Variants in SAR1A observed in about 807,000 individuals in gnomAD.
SAR1A encodes secretion associated Ras related GTPase 1A, also known as small COPII coat GTPase SAR1A.
SAR1A carries 6 observed loss-of-function variants against 22.6 expected under a neutral mutation model. That is an observed-to-expected ratio of 0.27 (90% confidence interval 0.15 to 0.52). The LOEUF (loss-of-function observed/expected upper bound fraction) is 0.52, where lower values mean the gene tolerates loss of function less well. Among genes scored for constraint, SAR1A ranks in the 20% least tolerant of loss-of-function variants. The pLI, the probability that SAR1A is intolerant of heterozygous loss-of-function variation, is 0.96. For missense variants in SAR1A, 145 were observed against 245.1 expected, an observed-to-expected ratio of 0.59 and a Z score of 2.73; for synonymous variants, 70 against 82.2, an observed-to-expected ratio of 0.85 and a Z score of 0.80.
Position 70,150,184 on chromosome 10 carries a change from A to T in SAR1A, c.*2292T>A, listed in dbSNP as rs1292865783. ...AGAGCTCAGAACAAACCAATGAAAAAAAAAAAAGGAAATAGCGTATTTGTT... is the reference window on the plus strand; with the variant it reads ...AGAGCTCAGAACAAACCAATGAAAATAAAAAAAGGAAATAGCGTATTTGTT... On this transcript the variant is annotated 3_prime_UTR_variant, in exon 7 of 7. Transcript: ENST00000373241. 6.6e-6 allele frequency: 1 copy of T among 152,100 alleles called. No homozygotes were observed. The highest frequency in any genetic ancestry group is 2.1e-4 in the South Asian group (1 of 4,836). The allele number at this position is 152,100 out of a possible 1,614,324, so 9.4% of individuals were successfully genotyped here. A position where few individuals can be genotyped will look rare whatever the true frequency, so the allele number is the denominator to read the frequency against.
In SAR1A at chr10:70,157,869, TA is replaced by T. The variant is rs1839414099; in HGVS notation, c.245-3del. 1 of 1,607,176 alleles carries T rather than the reference TA, an allele frequency of 6.2e-7. No individual in the cohort carries two copies. Among genetic ancestry groups the T allele is most frequent in the Non-Finnish European group, 8.5e-7 (1 of 1,174,938 alleles). Reference sequence around the variant, plus strand: ...GATAATTTTTCCAAACGCGACGTGCTAAAAAACAAAGTTTGTAGTTGCATGA... The same window carrying T: ...GATAATTTTTCCAAACGCGACGTGCTAAAAACAAAGTTTGTAGTTGCATGA... On this transcript the variant is annotated splice_polypyrimidine_tract_variant and splice_region_variant and intron_variant, in intron 4 of 6. Coordinates refer to ENST00000373241, the MANE Select transcript of SAR1A (RefSeq NM_020150.5).
intron 1 of SAR1A, chr10:70,166,746 C>G (rs954320215): frequency 6.8e-6 from 1 of 147,254 alleles, no homozygotes; most frequent in African/African-American, 2.5e-5. Context: ...CAGCATTTTG[C>G]AAGGCTGAGG....
At chr10:70,165,211 GCCGAGATC>G (rs1839531628) in intron 1 of SAR1A, among the ~76,000 whole-genome samples, 1 of 144,084 alleles carries the variant, frequency 6.9e-6, no homozygotes, top group Non-Finnish European at 1.5e-5. Context: ...CTTGCAGTGA[GCCGAGATC>G]CCGCCACTGC....
intron 4 of SAR1A, among the ~76,000 whole-genome samples, chr10:70,160,582 T>G (rs1224652368): frequency 6.6e-6 from 1 of 152,210 alleles, no homozygotes; most frequent in Non-Finnish European, 1.5e-5. Flanking sequence ...AATACATATA[T>G]CTTTTAACAT....
In SAR1A at chr10:70,161,898, C is replaced by A. The variant is rs757810193; in HGVS notation, c.18G>T (p.Glu6Asp). 1 of 1,612,570 alleles carries A rather than the reference C, an allele frequency of 6.2e-7. No individual in the cohort carries two copies. The highest frequency in any genetic ancestry group is 8.5e-7 in the Non-Finnish European group (1 of 1,179,614). Residue 6 changes from glutamate to aspartate, a missense_variant, in exon 2 of 7, where the codon GAG (glutamate) becomes GAT (aspartate). Physicochemically the swap from Glu to Asp is conservative, Grantham distance 45. Coordinates refer to ENST00000373241, the MANE Select transcript of SAR1A (RefSeq NM_020150.5). ...CACTGCTGAAGCCATTGTAGATCCACTCAAAGATGAAAGACATTATTAATG... is the reference window on the plus strand; with the variant it reads ...CACTGCTGAAGCCATTGTAGATCCAATCAAAGATGAAAGACATTATTAATG... MSFIF[E>D]WIYNGFSSVL...
At chr10:70,161,186 A>T (rs960082056) in intron 3 of SAR1A, 117 bp from the exon 4 acceptor site, 1 of 761,550 alleles carries the variant, frequency 1.3e-6, no homozygotes, top group African/African-American at 1.8e-5. Flanking sequence ...CAAGAAGTTG[A>T]GTGTGGTGGT....
intron 1 of SAR1A, among the ~76,000 whole-genome samples, chr10:70,168,473 T>G (rs1353305392): frequency 1.3e-5 from 2 of 152,056 alleles, no homozygotes; most frequent in Non-Finnish European, 2.9e-5. Context: ...GCGCCTGTTA[T>G]CCCAGCTACT....
rs1839302403 is a variant in SAR1A, at chr10:70,149,547, A to ATTTTTGTTTTTTTTTT, written c.*2928_*2929insAAAAAAAAAACAAAAA. 1 of 68,036 alleles carries ATTTTTGTTTTTTTTTT rather than the reference A, an allele frequency of 1.5e-5. No homozygotes were observed. The allele number at this position is 68,036 out of a possible 1,614,324, so 4.2% of individuals were successfully genotyped here. A position where few individuals can be genotyped will look rare whatever the true frequency, so the allele number is the denominator to read the frequency against. ...TTTTGCCAAATGTAGCATTTAATTG[A>ATTTTTGTTTTTTTTTT]TTTTTTTTTTTTTTTTTTTTTTGAG... On this transcript the variant is annotated 3_prime_UTR_variant, in exon 7 of 7. Transcript: ENST00000373241.
rs564920088 is a variant in SAR1A, at chr10:70,150,536, A to G, written c.*1940T>C. 2 of 152,378 alleles carry G rather than the reference A, an allele frequency of 1.3e-5. No individual in the cohort carries two copies. Among genetic ancestry groups the G allele is most frequent in the South Asian group, 4.1e-4 (2 of 4,830 alleles). The allele number at this position is 152,378 out of a possible 1,614,324, so 9.4% of individuals were successfully genotyped here. A position where few individuals can be genotyped will look rare whatever the true frequency, so the allele number is the denominator to read the frequency against. ...AACCCACAGATTTCTAGCTTGCAAC[A>G]AAGTGACAAGGGACAAATAGGGGAA... is the stretch of plus-strand genomic sequence containing the variant. On this transcript the variant is annotated 3_prime_UTR_variant, in exon 7 of 7. Transcript: ENST00000373241.
Position 70,150,999 on chromosome 10 carries a change from A to C in SAR1A, c.*1477T>G, listed in dbSNP as rs1257777940. 1.3e-5 allele frequency: 2 copies of C among 152,202 alleles called. No individual in the cohort carries two copies. The highest frequency in any genetic ancestry group is 6.5e-5 in the Admixed American group (1 of 15,278). The allele number at this position is 152,202 out of a possible 1,614,324, so 9.4% of individuals were successfully genotyped here. Reference sequence around the variant, plus strand: ...TTCATCTCCTATCTCCAATCTGTTCATAGGAGATATATCTTTTGATCTTTT... The same window carrying C: ...TTCATCTCCTATCTCCAATCTGTTCCTAGGAGATATATCTTTTGATCTTTT... On this transcript the variant is annotated 3_prime_UTR_variant, in exon 7 of 7. Transcript: ENST00000373241.
Position 70,157,830 on chromosome 10 carries a change from A to G in SAR1A, c.282T>C (p.Asn94=). 1 of 1,613,832 alleles carries G rather than the reference A, an allele frequency of 6.2e-7. No homozygotes were observed. The highest frequency in any genetic ancestry group is 8.5e-7 in the Non-Finnish European group (1 of 1,179,918). Residue 94 remains asparagine, a synonymous_variant, in exon 5 of 7, where the codon AAT becomes AAC. Coordinates refer to ENST00000373241, the MANE Select transcript of SAR1A (RefSeq NM_020150.5). ...CACAGTCCACCAGAAAGACAATCCC[A>G]TTAATTGCTGGGAGATAATTTTTCC... ...RVWKNYLPAI[N]GIVFLVDCAD...
At chr10:70,169,762 C>A (rs1002219368) in intron 1 of SAR1A, among the ~76,000 whole-genome samples, 1 of 152,158 alleles carries the variant, frequency 6.6e-6, no homozygotes. Context: ...CCGATGGAAT[C>A]AACAAGACAA....
At position 70,159,701 on chromosome 10, in the gene SAR1A, G is replaced by A. The variant is rs527445934; in HGVS notation, c.244+1303C>T. Among the ~76,000 whole-genome samples the A allele has an allele frequency of 1.4e-4, 22 of 152,316 alleles. No individual in the cohort carries two copies. The South Asian group carries it at 4.3e-3, about 30-fold the overall frequency. On this transcript the variant is annotated intron_variant, in intron 4 of 6. Transcript: ENST00000373241. ...TCAAAACAAGACTTCTCCACTCAGT[G>A]TAATAACAAGTAAGTAAATCTGACA... is the stretch of plus-strand genomic sequence containing the variant.
At chr10:70,154,058 C>T (rs1246082462) in intron 5 of SAR1A, 89 bp from the exon 6 acceptor site, 3 of 1,012,380 alleles carry the variant, frequency 3.0e-6, no homozygotes, top group African/African-American at 3.3e-5. Flanking sequence ...TTCTGACTTC[C>T]ACTAATCTTT....
intron 4 of SAR1A, 54 bp from the exon 5 acceptor site, chr10:70,157,921 A>C: frequency 8.5e-7 from 1 of 1,175,998 alleles, no homozygotes; most frequent in Non-Finnish European, 1.3e-6. Flanking sequence ...TGTGAAAATG[A>C]ATAACCTAAT....
At chr10:70,161,107 A>T in intron 3 of SAR1A, 38 bp from the exon 4 acceptor site, 1 of 1,471,690 alleles carries the variant, frequency 6.8e-7, no homozygotes, top group Non-Finnish European at 9.5e-7. Context: ...AAACTTGTCA[A>T]CTCAACAACC....
rs750456522 is a variant in SAR1A, at chr10:70,157,861, C to T, written c.251G>A (p.Arg84His). The T allele has an allele frequency of 1.9e-6, 3 of 1,611,610 alleles. No individual in the cohort carries two copies. In the African/African-American group the frequency reaches 4.0e-5, roughly 22 times the overall value. ...FDLGGHEQAR[R>H]VWKNYLPAIN... is the part of the protein sequence containing the mutation. Reference sequence around the variant, plus strand: ...TGCTGGGAGATAATTTTTCCAAACGCGACGTGCTAAAAAACAAAGTTTGTA... The same window carrying T: ...TGCTGGGAGATAATTTTTCCAAACGTGACGTGCTAAAAAACAAAGTTTGTA... Residue 84 changes from arginine to histidine, a missense_variant, in exon 5 of 7, where the codon CGC (arginine) becomes CAC (histidine). By Grantham distance (29) the Arg-to-His change is conservative. This residue lies in a region of SAR1A where 40 missense variants were observed against 105.7 expected (regional missense o/e 0.38). Transcript: ENST00000373241.
At chr10:70,167,528 A>G (rs1475809783) in intron 1 of SAR1A, 5 of 152,112 alleles carry the variant, frequency 3.3e-5, no homozygotes, top group African/African-American at 1.2e-4. Flanking sequence ...GCTTGAACCT[A>G]GAAGGCAGAG....
At chr10:70,153,745 C>A in intron 6 of SAR1A, 93 bp downstream of exon 6, 1 of 1,048,104 alleles carries the variant, frequency 9.5e-7, no homozygotes. Context: ...CCTGTTTAAG[C>A]CTTTAAAAGA....
Sources: allele counts gnomAD v4.1 joint callset (sites outside exome capture counted in the v4.1 genomes callset), GRCh38; gene constraint gnomAD v4.1.1; regional missense constraint gnomAD v4.1.1; transcripts MANE v1.5; gene names NCBI Gene and HGNC (gene_info 2026-07-23, HGNC 2026-07-21).